The following UGT8 variants were observed in gnomAD, a reference collection of about 807,000 sequenced individuals.
The protein encoded by UGT8 is 2-hydroxyacylsphingosine 1-beta-galactosyltransferase.
UGT8 carries 12 observed loss-of-function variants against 40.5 expected under a neutral mutation model. The observed-to-expected ratio is 0.30, with a 90% CI of 0.19 to 0.48. The LOEUF is 0.48. UGT8 is among the 20% of genes least tolerant of loss of function. The pLI, the probability that UGT8 is intolerant of heterozygous loss-of-function variation, is 0.99. For synonymous variants in UGT8, 224 were observed against 240.4 expected, an observed-to-expected ratio of 0.93 and a Z score of 0.63; for missense variants, 513 against 648.7, an observed-to-expected ratio of 0.79 and a Z score of 2.27.
intron 2 of UGT8, among the ~76,000 whole-genome samples, chr4:114,651,494 A>G (rs973784506): frequency 6.6e-6 from 1 of 152,138 alleles, no homozygotes; most frequent in Non-Finnish European, 1.5e-5. Context: ...AGAACAAACT[A>G]GTTTTCCATA....
chr4:114,615,655 C>G (rs990495479), intron 1 of UGT8, among the ~76,000 whole-genome samples: 1 of 152,146 alleles, frequency 6.6e-6, no homozygotes, highest in Non-Finnish European at 1.5e-5. Flanking sequence ...CCTGTATGGT[C>G]TAGGATGTTA....
intron 2 of UGT8, among the ~76,000 whole-genome samples, chr4:114,645,101 T>A (rs1038906996): frequency 6.6e-6 from 1 of 152,154 alleles, no homozygotes; most frequent in Non-Finnish European, 1.5e-5. Flanking sequence ...TGAGGGGGAA[T>A]TCAGGCTGTG....
intron 1 of UGT8, among the ~76,000 whole-genome samples, chr4:114,615,777 G>C (rs1237246768): frequency 1.3e-5 from 2 of 152,196 alleles, no homozygotes; most frequent in Non-Finnish European, 2.9e-5. Flanking sequence ...TCATTAAGTA[G>C]AACTTATTTA....
chr4:114,664,267 T>G (rs1282007281), intron 3 of UGT8, 130 bp downstream of exon 3: 5 of 1,034,546 alleles, frequency 4.8e-6, no homozygotes, highest in Non-Finnish European at 6.9e-6. Flanking sequence ...GACTTTCATT[T>G]TGTTTCTTAG....
chr4:114,662,879 G>A (rs1734633974), intron 2 of UGT8, among the ~76,000 whole-genome samples: 1 of 141,756 alleles, frequency 7.1e-6, no homozygotes, highest in Non-Finnish European at 1.5e-5. Context: ...AGGCTGGAGT[G>A]CAGTGGCACA....
chr4:114,661,977 T>C (rs1253147688), intron 2 of UGT8, among the ~76,000 whole-genome samples: 2 of 152,210 alleles, frequency 1.3e-5, no homozygotes, highest in Admixed American at 1.3e-4. Flanking sequence ...AAATTTTAAA[T>C]CATTCTGCTC....
At chr4:114,653,292 A>T (rs1408132581) in intron 2 of UGT8, among the ~76,000 whole-genome samples, 4 of 152,186 alleles carry the variant, frequency 2.6e-5, no homozygotes, top group Non-Finnish European at 5.9e-5. Context: ...TAGTCGTAGA[A>T]TATGACCTTA....
At chr4:114,621,660 G>A (rs1731799056) in intron 1 of UGT8, among the ~76,000 whole-genome samples, 1 of 152,142 alleles carries the variant, frequency 6.6e-6, no homozygotes. Flanking sequence ...TCAATTAGAA[G>A]ATGAACAGAT....
At chr4:114,655,322 A>AAT (rs1734118601) in intron 2 of UGT8, among the ~76,000 whole-genome samples, 1 of 152,002 alleles carries the variant, frequency 6.6e-6, no homozygotes. Context: ...CAGACCATGG[A>AAT]TGCATCTGTG....
intron 2 of UGT8, among the ~76,000 whole-genome samples, chr4:114,652,626 T>C (rs886659950): frequency 2.0e-4 from 31 of 151,922 alleles, no homozygotes; most frequent in Admixed American, 1.1e-3. Context: ...TAAATTGTAT[T>C]AATGGAAAAA....
intron 2 of UGT8, among the ~76,000 whole-genome samples, chr4:114,632,184 T>A (rs1732621501): frequency 6.6e-6 from 1 of 152,196 alleles, no homozygotes; most frequent in Non-Finnish European, 1.5e-5. Flanking sequence ...AGAATTCTGA[T>A]TAATATAAAC....
intron 2 of UGT8, among the ~76,000 whole-genome samples, chr4:114,632,268 T>C (rs922463468): frequency 6.6e-6 from 1 of 152,302 alleles, no homozygotes; most frequent in East Asian, 1.9e-4. Context: ...TGCTATTAGA[T>C]AGGAGAGAGA....
intron 2 of UGT8, among the ~76,000 whole-genome samples, chr4:114,642,764 TA>T (rs1560691396): frequency 6.6e-6 from 1 of 152,206 alleles, no homozygotes; most frequent in Non-Finnish European, 1.5e-5. Context: ...ATTGTTGTTT[TA>T]AAGGCCCTTA....
chr4:114,625,084 T>C (rs752475026), intron 2 of UGT8, among the ~76,000 whole-genome samples: 1 of 152,200 alleles, frequency 6.6e-6, no homozygotes, highest in Non-Finnish European at 1.5e-5. Flanking sequence ...TCATTTAAAA[T>C]GTTACACAAA....
chr4:114,675,610 G>A (rs1578478619), intron 5 of UGT8, among the ~76,000 whole-genome samples: 1 of 149,458 alleles, frequency 6.7e-6, no homozygotes, highest in Non-Finnish European at 1.5e-5. Flanking sequence ...CGTAGTGGCG[G>A]GCGCCTGTAG....
intron 1 of UGT8, among the ~76,000 whole-genome samples, chr4:114,616,327 C>T (rs1215680244): frequency 1.3e-5 from 2 of 152,262 alleles, no homozygotes; most frequent in East Asian, 1.9e-4. Flanking sequence ...GCCTCATGGC[C>T]GCCTTGCAGT....
intron 1 of UGT8, among the ~76,000 whole-genome samples, chr4:114,621,429 T>TA (rs753220622): frequency 1.1e-4 from 16 of 152,180 alleles, no homozygotes; most frequent in African/African-American, 3.9e-4. Flanking sequence ...AAAGGGAAAA[T>TA]ATATGTTAAA....
rs201342678 is a variant in UGT8, at chr4:114,668,295, A to G, written c.1253A>G (p.Asn418Ser). The change falls in exon 5 of 6, where the codon AAT becomes AGT. Residue 418 changes from asparagine to serine, a missense_variant. Physicochemically the swap from Asn to Ser is conservative, Grantham distance 46. Coordinates refer to ENST00000310836, the MANE Select transcript of UGT8 (RefSeq NM_001128174.3). ...ELYEALVKVI[N>S]NPSYRQRAQK... The stretch of plus-strand genomic sequence containing the variant: ...TATGAAGCACTAGTGAAGGTTATCA[A>G]TAATCCCAGGTAAGGTTTCAATTAA... 3.7e-6 allele frequency: 6 copies of G among 1,613,574 alleles called. No homozygotes were observed. In the South Asian group the frequency reaches 4.4e-5, roughly 12 times the overall value.
intron 2 of UGT8, among the ~76,000 whole-genome samples, chr4:114,624,107 T>C (rs1732033242): frequency 6.6e-6 from 1 of 152,212 alleles, no homozygotes; most frequent in African/African-American, 2.4e-5. Flanking sequence ...TATGTTTAGC[T>C]TCAGGTCAGT....
Sources: allele counts gnomAD v4.1 joint callset (sites outside exome capture counted in the v4.1 genomes callset), GRCh38; gene constraint gnomAD v4.1.1; transcripts MANE v1.5; gene names NCBI Gene and HGNC (gene_info 2026-07-23, HGNC 2026-07-21).